Variants in MMP26 observed in about 807,000 individuals in gnomAD.
The protein encoded by MMP26 is matrix metalloproteinase-26.
Under a neutral mutation model 31.0 loss-of-function variants are expected in MMP26, and 33 were observed. The ratio of observed to expected loss-of-function variants is 1.06; its 90% CI spans 0.81 to 1.42. The LOEUF (loss-of-function observed/expected upper bound fraction) is 1.42. Among genes scored for constraint, MMP26 ranks in the 40% most tolerant of loss-of-function variants. The pLI is 0.00. For synonymous variants in MMP26, 122 were observed against 114.9 expected, an observed-to-expected ratio of 1.06 and a Z score of -0.40; for missense variants, 347 against 316.1, an observed-to-expected ratio of 1.10 and a Z score of -0.74.
chr11:4,802,166 G>T (rs1044119620), intron 2 of MMP26, among the ~76,000 whole-genome samples: 1 of 152,112 alleles, frequency 6.6e-6, no homozygotes, highest in South Asian at 2.1e-4. Flanking sequence ...GAGTAATACA[G>T]CTTAACTAAT....
Position 4,988,089 on chromosome 11 carries a change from A to T in MMP26, c.-123A>T. 1.2e-6 allele frequency: 1 copy of T among 842,676 alleles called. No homozygotes were observed. Among genetic ancestry groups the T allele is most frequent in the Non-Finnish European group, 2.0e-6 (1 of 488,128 alleles). The allele number at this position is 842,676 out of a possible 1,614,324, so 52.2% of individuals were successfully genotyped here. ...GCAGGTATGGATGATGACGCCACTCACAGATTCAAAGAAAGGGCAAACTGG... is the reference window on the plus strand; with the variant it reads ...GCAGGTATGGATGATGACGCCACTCTCAGATTCAAAGAAAGGGCAAACTGG... On this transcript the variant is annotated 5_prime_UTR_variant, in exon 3 of 8. Transcript: ENST00000380390.
At chr11:4,959,163 G>T (rs1322589482) in intron 2 of MMP26, among the ~76,000 whole-genome samples, 2 of 144,338 alleles carry the variant, frequency 1.4e-5, no homozygotes, top group Non-Finnish European at 3.0e-5. Flanking sequence ...GCGTGAATAC[G>T]GGAGGCGGAG....
chr11:4,869,244 G>A (rs1390051624), intron 2 of MMP26, among the ~76,000 whole-genome samples: 1 of 151,916 alleles, frequency 6.6e-6, no homozygotes, highest in Non-Finnish European at 1.5e-5. Context: ...AAGAGCTTCT[G>A]CACAGCAAAA....
At chr11:4,879,563 G>T (rs1377833983) in intron 2 of MMP26, among the ~76,000 whole-genome samples, 1 of 152,108 alleles carries the variant, frequency 6.6e-6, no homozygotes, top group Non-Finnish European at 1.5e-5. Flanking sequence ...CTAACTTTTA[G>T]ACAGCGAAGT....
chr11:4,926,095 T>C lies in MMP26; in HGVS notation c.-144-61973T>C, dbSNP rs189751655. ...AAGTAGAAGCACATTGAAGGGCCTC[T>C]ACTGAAGAAAGAATACAATCCCTGT... is the stretch of plus-strand genomic sequence containing the variant. On this transcript the variant is annotated intron_variant, in intron 2 of 7. Transcript: ENST00000380390. Among the ~76,000 whole-genome samples the C allele has an allele frequency of 8.3e-3, 1,267 of 152,282 alleles. 15 individuals carry two copies. The highest frequency in any genetic ancestry group is 0.012 in the Non-Finnish European group (834 of 68,020).
intron 1 of MMP26, among the ~76,000 whole-genome samples, chr11:4,728,371 G>A (rs1195651762): frequency 1.3e-5 from 2 of 152,104 alleles, no homozygotes; most frequent in Non-Finnish European, 2.9e-5. Flanking sequence ...AATTGCCCTC[G>A]GACCAGTGGA....
intron 2 of MMP26, among the ~76,000 whole-genome samples, chr11:4,930,280 C>T (rs1459272456): frequency 1.3e-5 from 2 of 151,926 alleles, no homozygotes; most frequent in African/African-American, 4.8e-5. Flanking sequence ...TTCTCAGATC[C>T]CACTTGAAGA....
chr11:4,724,213 C>T, intron 1 of MMP26: 1 of 483,872 alleles, frequency 2.1e-6, no homozygotes, highest in South Asian at 3.1e-5. Flanking sequence ...GCCTGTGAAC[C>T]AGGTGGATGG....
intron 2 of MMP26, chr11:4,849,120 C>T: frequency 3.1e-6 from 5 of 1,614,058 alleles, no homozygotes; most frequent in Non-Finnish European, 4.2e-6. Context: ...GGAGGGTGCA[C>T]CTGATAGGCC....
intron 2 of MMP26, among the ~76,000 whole-genome samples, chr11:4,784,427 A>G (rs1848907339): frequency 6.6e-6 from 1 of 152,218 alleles, no homozygotes; most frequent in Admixed American, 6.5e-5. Context: ...CTTGTTTGGA[A>G]AAGGGGTCTT....
At chr11:4,805,928 G>T (rs761281104) in intron 2 of MMP26, among the ~76,000 whole-genome samples, 1 of 152,020 alleles carries the variant, frequency 6.6e-6, no homozygotes, top group Non-Finnish European at 1.5e-5. Context: ...AGTTGCCTGT[G>T]CTTTGTTTGA....
At chr11:4,705,244 C>T (rs943482657) in intron 1 of MMP26, among the ~76,000 whole-genome samples, 199 bp downstream of exon 1, 3 of 152,092 alleles carry the variant, frequency 2.0e-5, no homozygotes, top group South Asian at 2.1e-4. Context: ...CTACAGTCAT[C>T]AGCATGTGTT....
intron 1 of MMP26, among the ~76,000 whole-genome samples, chr11:4,755,100 T>C (rs1331083099): frequency 6.6e-6 from 1 of 151,976 alleles, no homozygotes; most frequent in Non-Finnish European, 1.5e-5. Context: ...ATTGGACTCT[T>C]TCTAGTTCAC....
chr11:4,778,053 T>C (rs1024096121), intron 2 of MMP26, among the ~76,000 whole-genome samples: 3 of 152,110 alleles, frequency 2.0e-5, no homozygotes, highest in Non-Finnish European at 4.4e-5. Flanking sequence ...AAATCGTGTA[T>C]AGCCATATAT....
At chr11:4,869,656 G>A (rs796103853) in intron 2 of MMP26, among the ~76,000 whole-genome samples, 2 of 152,186 alleles carry the variant, frequency 1.3e-5, no homozygotes, top group African/African-American at 4.8e-5. Flanking sequence ...GGAAGACAGT[G>A]TGGCAATTCC....
chr11:4,920,754 A>C (rs774773540), intron 2 of MMP26, among the ~76,000 whole-genome samples: 3 of 152,200 alleles, frequency 2.0e-5, no homozygotes, highest in Non-Finnish European at 2.9e-5. Context: ...TTTGGGTTTC[A>C]TTCAAATTTT....
chr11:4,937,176 A>G lies in MMP26; in HGVS notation c.-144-50892A>G, dbSNP rs533345167. On this transcript the variant is annotated intron_variant, in intron 2 of 7. Coordinates refer to ENST00000380390, the MANE Select transcript of MMP26 (RefSeq NM_021801.5). ...TCAGAGAGCTGAAGTACTTTTCACA[A>G]ACTCACAGGGGCATAAGGGCACTTA... Among the ~76,000 whole-genome samples the G allele has an allele frequency of 5.9e-5, 9 of 152,300 alleles. No individual in the cohort carries two copies. In the South Asian group the frequency reaches 1.7e-3, roughly 28 times the overall value.
chr11:4,821,877 A>G, intron 2 of MMP26: 1 of 1,613,928 alleles, frequency 6.2e-7, no homozygotes, highest in East Asian at 2.2e-5. Context: ...GCATGTTGAT[A>G]AGAAATGTTG....
At chr11:4,907,679 A>C in intron 2 of MMP26, 1 of 1,613,990 alleles carries the variant, frequency 6.2e-7, no homozygotes. Context: ...AGAATTCTTC[A>C]TTCATGGATT....
Sources: allele counts gnomAD v4.1 joint callset (sites outside exome capture counted in the v4.1 genomes callset), GRCh38; gene constraint gnomAD v4.1.1; transcripts MANE v1.5; gene names NCBI Gene and HGNC (gene_info 2026-07-23, HGNC 2026-07-21).